Variants in TMEM175 observed in about 807,000 individuals in gnomAD.
TMEM175 encodes the protein transmembrane protein 175, also known as endosomal/lysosomal proton channel TMEM175.
TMEM175 carries 36 observed loss-of-function variants against 36.5 expected under a neutral mutation model. That is an observed-to-expected ratio of 0.99 (90% confidence interval 0.76 to 1.30). The LOEUF is 1.30. Ranked by LOEUF, TMEM175 falls within the 50% of genes most tolerant of loss-of-function variation. TMEM175 has a pLI of 0.00. For synonymous variants in TMEM175, 339 were observed against 313.4 expected (o/e 1.08, Z -0.86); for missense variants, 705 against 692.8 (o/e 1.02, Z -0.20).
chr4:938,330 C>G (rs1303581829), intron 1 of TMEM175, among the ~76,000 whole-genome samples: 1 of 152,104 alleles, frequency 6.6e-6, no homozygotes, highest in Non-Finnish European at 1.5e-5. Context: ...ACGGTGAAAC[C>G]CCGTCTCTAC....
At chr4:953,986 A>C (rs1429992769) in intron 8 of TMEM175, among the ~76,000 whole-genome samples, 1 of 149,642 alleles carries the variant, frequency 6.7e-6, no homozygotes, top group Non-Finnish European at 1.5e-5. Context: ...GCCAGCCTTT[A>C]TTTTCTTTTT....
chr4:938,216 G>T (rs1727025751), intron 1 of TMEM175, among the ~76,000 whole-genome samples: 1 of 152,146 alleles, frequency 6.6e-6, no homozygotes, highest in Non-Finnish European at 1.5e-5. Flanking sequence ...AGAAAAAGAG[G>T]GCTGGGGCCA....
At chr4:955,191 C>T (rs550323174) in intron 8 of TMEM175, among the ~76,000 whole-genome samples, 5 of 152,304 alleles carry the variant, frequency 3.3e-5, no homozygotes, top group Admixed American at 3.3e-4. Flanking sequence ...ATCCACCTGC[C>T]TCAGCCCCAC....
intron 4 of TMEM175, among the ~76,000 whole-genome samples, chr4:950,929 TGGTGCAATAGGTGGA>T: frequency 6.8e-5 from 10 of 147,382 alleles, no homozygotes; most frequent in African/African-American, 2.6e-4. Flanking sequence ...ATGGTGTGGA[TGGTGCAATAGGTGGA>T]GGTGTGGATG....
At chr4:956,372 G>A (rs1035209263) in intron 10 of TMEM175, 4 of 1,290,820 alleles carry the variant, frequency 3.1e-6, no homozygotes, top group African/African-American at 1.5e-5. Flanking sequence ...GCTCCTCCGC[G>A]GCCTCATCTG....
intron 1 of TMEM175, among the ~76,000 whole-genome samples, chr4:943,541 C>T (rs970199184): frequency 5.3e-5 from 8 of 152,098 alleles, no homozygotes; most frequent in Non-Finnish European, 7.4e-5. Context: ...CATGAGCCAC[C>T]GCGCCCAGCT....
rs375808318 is a variant in TMEM175, at chr4:958,019, G to A, written c.1038G>A (p.Thr346=). Residue 346 remains threonine, a synonymous_variant, in exon 11 of 11, where the codon ACG becomes ACA. Transcript: ENST00000264771. The part of the protein sequence containing the change: ...KATRAMGLLN[T]LSLAFVGGLP... Reference sequence around the variant, plus strand: ...CGCGGGCCATGGGGCTGCTGAACACGCTCTCGCTGGCCTTCGTGGGTGGCC... The same window carrying A: ...CGCGGGCCATGGGGCTGCTGAACACACTCTCGCTGGCCTTCGTGGGTGGCC... 2.1e-5 allele frequency: 34 copies of A among 1,612,006 alleles called. No homozygotes were observed. The highest frequency in any genetic ancestry group is 5.5e-5 in the South Asian group (5 of 91,038).
At chr4:937,609 A>G (rs1726942275) in intron 1 of TMEM175, among the ~76,000 whole-genome samples, 1 of 152,222 alleles carries the variant, frequency 6.6e-6, no homozygotes, top group Admixed American at 6.5e-5. Flanking sequence ...TGGGAATTCT[A>G]CTAAACATTG....
In TMEM175 at chr4:958,288, C is replaced by T; in HGVS notation, c.1307C>T (p.Ser436Phe). ...YPCASLLAFA[S>F]TCLLSRFSVG... is the part of the protein sequence containing the mutation. ...TGTGCCAGCCTGCTGGCCTTCGCCT[C>T]CACCTGCCTGCTGAGCAGGTTCAGT... The change falls in exon 11 of 11, where the codon TCC becomes TTC. Residue 436 changes from serine (S) to phenylalanine (F), a missense_variant. Ser to Phe is a radical substitution (Grantham distance 155). Transcript: ENST00000264771. 6.8e-6 allele frequency: 11 copies of T among 1,606,296 alleles called. No homozygotes were observed. Among genetic ancestry groups the T allele is most frequent in the Non-Finnish European group, 9.3e-6 (11 of 1,179,712 alleles).
chr4:946,993 G>A (rs1176896033), intron 1 of TMEM175, among the ~76,000 whole-genome samples: 2 of 146,818 alleles, frequency 1.4e-5, no homozygotes, highest in East Asian at 2.1e-4. Flanking sequence ...CACAGGCGCC[G>A]AGACCGAGGG....
intron 1 of TMEM175, among the ~76,000 whole-genome samples, chr4:943,685 A>C (rs779342568): frequency 3.3e-5 from 5 of 152,260 alleles, no homozygotes; most frequent in Non-Finnish European, 7.3e-5. Context: ...GGAAGGAAAC[A>C]TGTCCTTACA....
chr4:942,398 G>T (rs528342156), intron 1 of TMEM175, among the ~76,000 whole-genome samples: 3 of 152,198 alleles, frequency 2.0e-5, no homozygotes, highest in East Asian at 3.9e-4. Context: ...ATATTCAGTT[G>T]TCCCAACACC....
intron 10 of TMEM175, chr4:956,375 C>T (rs1443071040): frequency 7.7e-7 from 1 of 1,290,880 alleles, no homozygotes; most frequent in Non-Finnish European, 1.0e-6. Flanking sequence ...CCTCCGCGGC[C>T]TCATCTGCCT....
At chr4:952,086 G>C in intron 6 of TMEM175, 1 of 587,694 alleles carries the variant, frequency 1.7e-6, no homozygotes, top group Non-Finnish European at 3.0e-6. Context: ...GCTAGTCTGA[G>C]TGTGCGGGGC....
chr4:957,088 T>C (rs1410647777), intron 10 of TMEM175, among the ~76,000 whole-genome samples: 1 of 152,206 alleles, frequency 6.6e-6, no homozygotes, highest in Non-Finnish European at 1.5e-5. Flanking sequence ...CTCCTCCACC[T>C]GGAGCCATGG....
intron 4 of TMEM175, 78 bp downstream of exon 4, chr4:950,596 C>T: frequency 8.8e-7 from 1 of 1,135,622 alleles, no homozygotes; most frequent in Non-Finnish European, 1.3e-6. Context: ...CGCACGGGTC[C>T]ATGGGGTCGG....
At position 950,421 on chromosome 4, in the gene TMEM175, C is replaced by A; in HGVS notation, c.193C>A (p.Gln65Lys). 6.2e-7 allele frequency: 1 copy of A among 1,611,872 alleles called. No homozygotes were observed. Among genetic ancestry groups the A allele is most frequent in the Non-Finnish European group, 8.5e-7 (1 of 1,178,044 alleles). ...VTHTEISPEQQFDRSVQRLLA... is the reference protein window; with the variant it reads ...VTHTEISPEQKFDRSVQRLLA... ...TGACAGCAGTGCTCTTGTATTCCAG[C>A]AGTTCGACAGAAGTGTACAGAGGCT... The change falls in exon 4 of 11, where the codon CAG (glutamine) becomes AAG (lysine). Residue 65 changes from glutamine to lysine, a missense_variant and splice_region_variant. Physicochemically the swap from Gln to Lys is moderately conservative, Grantham distance 53. Coordinates refer to ENST00000264771, the MANE Select transcript of TMEM175 (RefSeq NM_032326.4).
At chr4:947,968 T>C in intron 2 of TMEM175, 76 bp downstream of exon 2, 5 of 1,609,858 alleles carry the variant, frequency 3.1e-6, no homozygotes, top group Non-Finnish European at 4.3e-6. Context: ...CTCAGACCTG[T>C]CTAGGTCTTG....
chr4:937,032 A>G (rs578183082), intron 1 of TMEM175, among the ~76,000 whole-genome samples: 30 of 152,088 alleles, frequency 2.0e-4, no homozygotes, highest in African/African-American at 7.2e-4. Flanking sequence ...GCATTGCAAC[A>G]TACTTTGTGT....
Sources: allele counts gnomAD v4.1 joint callset (sites outside exome capture counted in the v4.1 genomes callset), GRCh38; gene constraint gnomAD v4.1.1; transcripts MANE v1.5; gene names NCBI Gene and HGNC (gene_info 2026-07-23, HGNC 2026-07-21).